Variants in ABLIM1 observed in about 807,000 individuals in gnomAD.
ABLIM1 encodes the protein actin-binding LIM protein 1.
ABLIM1 carries 40 observed loss-of-function variants against 107.0 expected under a neutral mutation model. That is an observed-to-expected ratio of 0.37 (90% confidence interval 0.29 to 0.49). The LOEUF (loss-of-function observed/expected upper bound fraction) is 0.49, where lower values mean the gene tolerates loss of function less well. ABLIM1 is among the 20% of genes least tolerant of loss of function. The pLI, the probability that ABLIM1 is intolerant of heterozygous loss-of-function variation, is 0.97. For missense variants in ABLIM1, 857 were observed against 1,008.5 expected (o/e 0.85, Z 2.04); for synonymous variants, 357 against 357.3 (o/e 1.00, Z 0.01).
chr10:114,550,486 C>T (rs984101772), intron 4 of ABLIM1, among the ~76,000 whole-genome samples: 1 of 152,006 alleles, frequency 6.6e-6, no homozygotes, highest in Non-Finnish European at 1.5e-5. Flanking sequence ...CCGTGCACAG[C>T]CTCCCCCATT....
intron 1 of ABLIM1, among the ~76,000 whole-genome samples, chr10:114,621,978 G>A (rs2077491864): frequency 6.6e-6 from 1 of 152,198 alleles, no homozygotes; most frequent in South Asian, 2.1e-4. Context: ...GCATAACTGG[G>A]CTCTCGTCCT....
chr10:114,575,294 A>T (rs1468298766), intron 3 of ABLIM1, 122 bp downstream of exon 3: 3 of 1,119,856 alleles, frequency 2.7e-6, no homozygotes, highest in Non-Finnish European at 2.5e-6. Context: ...GTAAGAAAGA[A>T]ATCTAAGGAT....
chr10:114,529,033 G>A (rs2136907276), intron 6 of ABLIM1, among the ~76,000 whole-genome samples: 1 of 152,178 alleles, frequency 6.6e-6, no homozygotes, highest in South Asian at 2.1e-4. Flanking sequence ...CCTTTACAAA[G>A]GTAAAATGGG....
upstream of ABLIM1, among the ~76,000 whole-genome samples, chr10:114,661,661 C>T (rs116665169): frequency 0.027 from 4,163 of 152,276 alleles, 180 homozygotes; most frequent in African/African-American, 0.088. Flanking sequence ...TATCACAATG[C>T]ACCACATTAC....
chr10:114,468,778 G>A (rs1479736579), intron 10 of ABLIM1, among the ~76,000 whole-genome samples: 1 of 151,898 alleles, frequency 6.6e-6, no homozygotes, highest in Non-Finnish European at 1.5e-5. Flanking sequence ...TAGGCCGGGT[G>A]CGGTGGCTCA....
intron 17 of ABLIM1, 147 bp from the exon 18 acceptor site, chr10:114,441,933 T>C: frequency 1.4e-6 from 1 of 701,628 alleles, no homozygotes; most frequent in Non-Finnish European, 2.4e-6. Context: ...AAATATGCCA[T>C]CATATTTGCA....
the ABLIM1 span, among the ~76,000 whole-genome samples, chr10:114,799,912 A>G: frequency 6.6e-6 from 1 of 152,114 alleles, no homozygotes; most frequent in African/African-American, 2.4e-5. Context: ...AGTAGCTGGG[A>G]ATACAGGCAT....
upstream of ABLIM1, among the ~76,000 whole-genome samples, chr10:114,769,418 AGAAG>A (rs1415054155): frequency 0.22 from 4,334 of 19,796 alleles, 142 homozygotes; most frequent in African/African-American, 0.25. Flanking sequence ...AAGAAAGAAA[AGAAG>A]GAAAGAAAGA....
At chr10:114,549,573 G>T (rs1007664114) in intron 4 of ABLIM1, among the ~76,000 whole-genome samples, 1 of 151,784 alleles carries the variant, frequency 6.6e-6, no homozygotes, top group African/African-American at 2.4e-5. Flanking sequence ...TGGACAGTGG[G>T]TGTTCACATA....
At chr10:114,752,011 C>T (rs1475418816) in intron 1 of ABLIM1, among the ~76,000 whole-genome samples, 1 of 152,180 alleles carries the variant, frequency 6.6e-6, no homozygotes, top group Admixed American at 6.5e-5. Context: ...AGCACCTTCC[C>T]CAACCCTTTG....
chr10:114,800,066 G>A, the ABLIM1 span, among the ~76,000 whole-genome samples: 72 of 152,250 alleles, frequency 4.7e-4, no homozygotes, highest in Non-Finnish European at 8.5e-4. Flanking sequence ...GTGAGTCACC[G>A]CAGCCAGCCC....
chr10:114,632,145 C>G, intron 1 of ABLIM1: 23 of 985,398 alleles, frequency 2.3e-5, no homozygotes, highest in Non-Finnish European at 2.7e-5. Context: ...CGCCCGCCCG[C>G]CGAGCTGCAG....
intron 1 of ABLIM1, among the ~76,000 whole-genome samples, chr10:114,745,732 T>C (rs1403451352): frequency 6.6e-6 from 1 of 152,070 alleles, no homozygotes; most frequent in Non-Finnish European, 1.5e-5. Context: ...TCCCAGCTAC[T>C]TGGGAGGCTG....
intron 1 of ABLIM1, among the ~76,000 whole-genome samples, chr10:114,653,417 G>A (rs995698798): frequency 6.6e-6 from 1 of 152,040 alleles, no homozygotes; most frequent in African/African-American, 2.4e-5. Flanking sequence ...GGTAGCATGC[G>A]CCTGTGGTTC....
At chr10:114,469,310 T>C (rs1565429788) in intron 10 of ABLIM1, among the ~76,000 whole-genome samples, 1 of 152,198 alleles carries the variant, frequency 6.6e-6, no homozygotes, top group Non-Finnish European at 1.5e-5. Context: ...CATCCTGCCT[T>C]GGCTGCATCG....
At chr10:114,798,264 T>C in the ABLIM1 span, among the ~76,000 whole-genome samples, 1 of 150,780 alleles carries the variant, frequency 6.6e-6, no homozygotes, top group African/African-American at 2.4e-5. Flanking sequence ...CTACTAAAAA[T>C]ACAAAAATTA....
chr10:114,765,677 C>A (rs1347924805), intron 1 of ABLIM1, among the ~76,000 whole-genome samples: 1 of 152,170 alleles, frequency 6.6e-6, no homozygotes, highest in African/African-American at 2.4e-5. Context: ...CTACTAAGCA[C>A]TCTACTAATC....
chr10:114,684,381 C>G lies in ABLIM1; in HGVS notation c.-28G>C, dbSNP rs779693886. On this transcript the variant is annotated 5_prime_UTR_variant, in exon 1 of 24. Transcript: ENST00000369256. Reference sequence around the variant, plus strand: ...ACAAAGCTCCAGGGTTTCAGCTTTTCTTCACTAGGCATCTGGCACACAGAA... The same window carrying G: ...ACAAAGCTCCAGGGTTTCAGCTTTTGTTCACTAGGCATCTGGCACACAGAA... 5.0e-6 allele frequency: 8 copies of G among 1,613,814 alleles called. No homozygotes were observed. The South Asian group carries it at 8.8e-5, about 18-fold the overall frequency.
At chr10:114,660,104 A>T (rs1394718095), upstream of ABLIM1, among the ~76,000 whole-genome samples, 1 of 152,176 alleles carries the variant, frequency 6.6e-6, no homozygotes. Flanking sequence ...GGAACATGGG[A>T]CTTCTACCAC....
Sources: gnomAD v4.1 joint callset for allele counts (sites outside exome capture counted in the v4.1 genomes callset) on GRCh38, gnomAD v4.1.1 for gene constraint, MANE v1.5 for transcripts, NCBI Gene and HGNC (gene_info 2026-07-23, HGNC 2026-07-21) for gene names.